TACC1: variants seen among roughly 807,000 people sequenced by gnomAD.
TACC1 encodes transforming acidic coiled-coil containing protein 1, also known as transforming acidic coiled-coil-containing protein 1.
Under a neutral mutation model 84.4 loss-of-function variants are expected in TACC1, and 48 were observed. The ratio of observed to expected loss-of-function variants is 0.57; its 90% confidence interval spans 0.45 to 0.72. TACC1 has a LOEUF of 0.72. Ranked by LOEUF, TACC1 falls within the 30% of genes least tolerant of loss-of-function variation. TACC1 has a pLI of 0.00. For synonymous variants in TACC1, 372 were observed against 376.3 expected (o/e 0.99, Z 0.13); for missense variants, 920 against 973.0 (o/e 0.95, Z 0.72).
intron 2 of TACC1, among the ~76,000 whole-genome samples, chr8:38,801,324 G>C (rs1419674197): frequency 6.6e-6 from 1 of 152,118 alleles, no homozygotes; most frequent in African/African-American, 2.4e-5. Flanking sequence ...TTACTTCTTT[G>C]TCTTAACAGT....
chr8:38,778,284 G>GTT (rs33978561), intron 3 of TACC1, among the ~76,000 whole-genome samples: 1 of 151,288 alleles, frequency 6.6e-6, no homozygotes, highest in Non-Finnish European at 1.5e-5. Context: ...TTGTGTGTGT[G>GTT]TGTGTGTGTG....
chr8:38,787,926 G>A (rs969451370), intron 1 of TACC1, among the ~76,000 whole-genome samples, 183 bp downstream of exon 1: 1 of 152,236 alleles, frequency 6.6e-6, no homozygotes, highest in Non-Finnish European at 1.5e-5. Flanking sequence ...CTCCCGTGGG[G>A]TTTCTGGCCC....
At chr8:38,793,936 A>G (rs1233916993) in intron 2 of TACC1, among the ~76,000 whole-genome samples, 1 of 152,236 alleles carries the variant, frequency 6.6e-6, no homozygotes, top group Non-Finnish European at 1.5e-5. Context: ...CAATTTCAGT[A>G]AAAATACAGA....
intron 6 of TACC1, 133 bp downstream of exon 6, chr8:38,831,310 A>C (rs1829185096): frequency 4.5e-6 from 4 of 880,358 alleles, no homozygotes; most frequent in Admixed American, 2.2e-5. Flanking sequence ...TAGTTTCTTC[A>C]CTTGAGGAAC....
chr8:38,821,381 A>G (rs1826776306), intron 3 of TACC1, among the ~76,000 whole-genome samples: 1 of 152,212 alleles, frequency 6.6e-6, no homozygotes, highest in Non-Finnish European at 1.5e-5. Context: ...TGTAGCGTCA[A>G]TAACGTGGGA....
intron 2 of TACC1, among the ~76,000 whole-genome samples, chr8:38,816,301 T>TA (rs923804292): frequency 2.9e-4 from 44 of 152,344 alleles, no homozygotes; most frequent in Middle Eastern, 6.8e-3. Context: ...AGTATCATTT[T>TA]AAAAAAATCT....
chr8:38,825,578 G>A (rs929144542), intron 4 of TACC1, among the ~76,000 whole-genome samples: 2 of 150,346 alleles, frequency 1.3e-5, no homozygotes, highest in African/African-American at 4.9e-5. Flanking sequence ...TTTTTTTTTG[G>A]TAAAATTCCC....
In TACC1 at chr8:38,838,519, A is replaced by G; in HGVS notation, c.1889A>G (p.Glu630Gly). ...EANEWKKKYE[E>G]TRQEVLEMRK... ...AATGAATGGAAGAAGAAATACGAAG[A>G]GACCCGGCAAGAAGTTTTGGAGATG... The change falls in exon 8 of 13, where the codon GAG becomes GGG. Residue 630 changes from glutamate (E) to glycine (G), a missense_variant. Coordinates refer to ENST00000317827, the MANE Select transcript of TACC1 (RefSeq NM_006283.3). The G allele has an allele frequency of 6.2e-7, 1 of 1,614,000 alleles. No homozygotes were observed. Among genetic ancestry groups the G allele is most frequent in the Non-Finnish European group, 8.5e-7 (1 of 1,179,884 alleles).
At position 38,787,564 on chromosome 8, in the gene TACC1, A is replaced by T; in HGVS notation, c.-19A>T. Reference sequence around the variant, plus strand: ...CCATTCCCCTGCCCCTAGGAGCTGGAGCCGGAGGAGCCGCGCTCATGGCGT... The same window carrying T: ...CCATTCCCCTGCCCCTAGGAGCTGGTGCCGGAGGAGCCGCGCTCATGGCGT... On this transcript the variant is annotated 5_prime_UTR_variant, in exon 1 of 13. Transcript: ENST00000317827. 1 of 1,533,866 alleles carries T rather than the reference A, an allele frequency of 6.5e-7. No homozygotes were observed. The highest frequency in any genetic ancestry group is 8.8e-7 in the Non-Finnish European group (1 of 1,140,058).
chr8:38,825,168 TC>T (rs543600394), intron 3 of TACC1, 139 bp from the exon 4 acceptor site: 9,187 of 844,540 alleles, frequency 0.011, 65 homozygotes, highest in Non-Finnish European at 0.014. Flanking sequence ...TCCCTGCCTC[TC>T]TCCTGCGGCG....
chr8:38,783,066 ATATCTATC>A (rs58057050), upstream of TACC1, among the ~76,000 whole-genome samples: 13,363 of 135,068 alleles, frequency 0.099, 820 homozygotes, highest in Admixed American at 0.13. Flanking sequence ...TGTAGTGTAA[ATATCTATC>A]TATCTATCTA....
chr8:38,745,528 T>C (rs1807908172), intron 3 of TACC1: 1 of 685,548 alleles, frequency 1.5e-6, no homozygotes, highest in Admixed American at 2.2e-5. Flanking sequence ...TTGTTTTTTT[T>C]CTGTTTGTTT....
rs140798005 is a variant in TACC1 at position 38,849,748 on chromosome 8, T to C, written c.*1725T>C. The stretch of plus-strand genomic sequence containing the variant: ...TATATTCAAGCCTGTTGTCTTAACA[T>C]TTTGTATAAAAAAGAACAACAGAAA... On this transcript the variant is annotated 3_prime_UTR_variant, in exon 13 of 13. Transcript: ENST00000317827. The C allele has an allele frequency of 1.6e-4, 24 of 152,768 alleles. No homozygotes were observed. Among genetic ancestry groups the C allele is most frequent in the African/African-American group, 5.8e-4 (24 of 41,578 alleles). The allele number at this position is 152,768 out of a possible 1,614,324, so 9.5% of individuals were successfully genotyped here. A position where few individuals can be genotyped will look rare whatever the true frequency, so the allele number is the denominator to read the frequency against.
rs1035863942 is a variant in TACC1, at chr8:38,787,505, C to T, written c.-78C>T. Reference sequence around the variant, plus strand: ...GCTTGCTGGCGCCTGTCACCGGTTCCCTCCATTTTGAAAGGGAAAAAGGCT... The same window carrying T: ...GCTTGCTGGCGCCTGTCACCGGTTCTCTCCATTTTGAAAGGGAAAAAGGCT... On this transcript the variant is annotated 5_prime_UTR_variant, in exon 1 of 13. Transcript: ENST00000317827. 19 of 1,426,242 alleles carry T rather than the reference C, an allele frequency of 1.3e-5. No homozygotes were observed. Among genetic ancestry groups the T allele is most frequent in the Non-Finnish European group, 1.6e-5 (18 of 1,094,092 alleles). 88.3% of individuals were successfully genotyped at this position (1,426,242 alleles called of 1,614,324 possible).
chr8:38,838,505 G>A lies in TACC1; in HGVS notation c.1875G>A (p.Lys625=). 6.2e-7 allele frequency: 1 copy of A among 1,613,938 alleles called. No homozygotes were observed. Among genetic ancestry groups the A allele is most frequent in the African/African-American group, 1.3e-5 (1 of 75,042 alleles). Residue 625 remains lysine, a synonymous_variant, in exon 8 of 13, where the codon AAG becomes AAA. Transcript: ENST00000317827. ...AAGAGATTGAAGCAAATGAATGGAA[G>A]AAGAAATACGAAGAGACCCGGCAAG... ...ITKEIEANEW[K]KKYEETRQEV...
intron 5 of TACC1, among the ~76,000 whole-genome samples, chr8:38,830,431 C>T (rs1165425195): frequency 6.6e-6 from 1 of 152,172 alleles, no homozygotes; most frequent in Admixed American, 6.5e-5. Flanking sequence ...TGCGCCACCA[C>T]GCCCAGCTAA....
At chr8:38,829,121 G>A (rs1471585257) in intron 5 of TACC1, among the ~76,000 whole-genome samples, 1 of 152,152 alleles carries the variant, frequency 6.6e-6, no homozygotes, top group Non-Finnish European at 1.5e-5. Flanking sequence ...TTAGAACCAT[G>A]TTCCTGACTA....
At chr8:38,750,320 C>A (rs1481125252) in intron 3 of TACC1, among the ~76,000 whole-genome samples, 1 of 152,170 alleles carries the variant, frequency 6.6e-6, no homozygotes, top group Admixed American at 6.5e-5. Flanking sequence ...ACTTCCTCAA[C>A]CTGATTAAGG....
chr8:38,739,953 C>T (rs1293368303), intron 1 of TACC1, among the ~76,000 whole-genome samples: 2 of 152,214 alleles, frequency 1.3e-5, no homozygotes, highest in Admixed American at 6.5e-5. Flanking sequence ...GGACTTTATC[C>T]TACTGCCTTG....
Sources: allele counts gnomAD v4.1 joint callset (sites outside exome capture counted in the v4.1 genomes callset), GRCh38; gene constraint gnomAD v4.1.1; transcripts MANE v1.5; gene names NCBI Gene and HGNC (gene_info 2026-07-23, HGNC 2026-07-21).